PPP2R2A: variants seen among roughly 807,000 people sequenced by gnomAD.
The protein encoded by PPP2R2A is protein phosphatase 2 regulatory subunit Balpha, also known as serine/threonine-protein phosphatase 2A 55 kDa regulatory subunit B alpha isoform.
In PPP2R2A, 9 loss-of-function variants were observed where a neutral mutation model predicts 53.2. The ratio of observed to expected loss-of-function variants is 0.17; its 90% CI spans 0.10 to 0.30. The LOEUF is 0.30. Among genes scored for constraint, PPP2R2A ranks in the 10% least tolerant of loss-of-function variants. The pLI, the probability that PPP2R2A is intolerant of heterozygous loss-of-function variation, is 1.00. For missense variants in PPP2R2A, 235 were observed against 534.6 expected, an observed-to-expected ratio of 0.44 and a Z score of 5.53; for synonymous variants, 169 against 174.2, an observed-to-expected ratio of 0.97 and a Z score of 0.23.
intron 2 of PPP2R2A, among the ~76,000 whole-genome samples, chr8:26,337,245 TG>T (rs1188515682): frequency 6.6e-6 from 1 of 152,088 alleles, no homozygotes; most frequent in African/African-American, 2.4e-5. Flanking sequence ...GTTCATTTGA[TG>T]GTTAGGCTAA....
At chr8:26,349,236 ATG>A (rs1037777745) in intron 3 of PPP2R2A, among the ~76,000 whole-genome samples, 1 of 151,316 alleles carries the variant, frequency 6.6e-6, no homozygotes, top group African/African-American at 2.4e-5. Flanking sequence ...GGGTGGGTAG[ATG>A]TGTGTGTGTT....
chr8:26,322,385 A>T (rs1802881887), intron 2 of PPP2R2A, among the ~76,000 whole-genome samples: 1 of 152,226 alleles, frequency 6.6e-6, no homozygotes, highest in Admixed American at 6.5e-5. Flanking sequence ...TGGCTACTGT[A>T]CTAGACAGTG....
chr8:26,291,965 T>C, intron 1 of PPP2R2A, 139 bp downstream of exon 1: 3 of 210,280 alleles, frequency 1.4e-5, no homozygotes, highest in South Asian at 1.3e-4. Flanking sequence ...TCCAGAGGGG[T>C]GGGGTGGGGG....
chr8:26,293,810 C>G (rs1441881428), intron 2 of PPP2R2A, 70 bp downstream of exon 2: 1 of 1,400,602 alleles, frequency 7.1e-7, no homozygotes, highest in Non-Finnish European at 1.0e-6. Flanking sequence ...GGAGGATTTC[C>G]TTGAAGCCGA....
At chr8:26,316,698 C>G (rs1802572737) in intron 2 of PPP2R2A, among the ~76,000 whole-genome samples, 2 of 152,184 alleles carry the variant, frequency 1.3e-5, no homozygotes, top group Admixed American at 1.3e-4. Context: ...AACTGCAGAT[C>G]TGGTGAGGAC....
chr8:26,301,340 T>C (rs554428738), intron 2 of PPP2R2A, among the ~76,000 whole-genome samples: 1 of 148,300 alleles, frequency 6.7e-6, no homozygotes, highest in African/African-American at 2.4e-5. Flanking sequence ...TTTTTTTTGT[T>C]TTTTTTTTTT....
At chr8:26,359,448 A>G (rs1200706068) in intron 4 of PPP2R2A, among the ~76,000 whole-genome samples, 4 of 152,236 alleles carry the variant, frequency 2.6e-5, no homozygotes, top group African/African-American at 9.6e-5. Context: ...GGATATATGG[A>G]ACACTGCAAT....
intron 7 of PPP2R2A, chr8:26,363,089 C>T (rs557158082): frequency 2.8e-6 from 1 of 359,990 alleles, no homozygotes; most frequent in African/African-American, 2.1e-5. Context: ...TGCTGTTGTT[C>T]TTTGGTAACT....
intron 3 of PPP2R2A, among the ~76,000 whole-genome samples, chr8:26,353,643 A>G (rs1005876805): frequency 6.6e-6 from 1 of 152,244 alleles, no homozygotes; most frequent in African/African-American, 2.4e-5. Flanking sequence ...GAAATTCTGA[A>G]CATGATTATA....
intron 2 of PPP2R2A, among the ~76,000 whole-genome samples, chr8:26,310,668 CTTTT>C (rs79086645): frequency 2.1e-5 from 1 of 46,888 alleles, no homozygotes; most frequent in Non-Finnish European, 5.6e-5. Context: ...TTTTTTTTTC[CTTTT>C]TTTTTTTTTA....
In PPP2R2A at chr8:26,291,565, G is replaced by GCCA; in HGVS notation, c.-253_-252insACC. The GCCA allele has an allele frequency of 2.0e-6, 1 of 500,838 alleles. No homozygotes were observed. Among genetic ancestry groups the GCCA allele is most frequent in the Non-Finnish European group, 3.6e-6 (1 of 280,970 alleles). The allele number at this position is 500,838 out of a possible 1,614,324, so 31.0% of individuals were successfully genotyped here. On this transcript the variant is annotated 5_prime_UTR_variant, in exon 1 of 10. Transcript: ENST00000380737. ...GCCTGCCCCTGCCGCTGCCGCCGCC[G>GCCA]CCGTCGCTGTCGTAGTCGCCGCCGC...
Position 26,371,359 on chromosome 8 carries a change from T to TTG in PPP2R2A, c.*947_*948insGT, listed in dbSNP as rs1186227547. The TTG allele has an allele frequency of 1.3e-5, 2 of 151,604 alleles. No individual in the cohort carries two copies. Among genetic ancestry groups the TTG allele is most frequent in the East Asian group, 1.9e-4 (1 of 5,180 alleles). The allele number at this position is 151,604 out of a possible 1,614,324, so 9.4% of individuals were successfully genotyped here. ...CACAATCTATAAATGCTACTAGTTT[T>TTG]TTTTTTTTTTTTTACCATCATGAGG... On this transcript the variant is annotated 3_prime_UTR_variant, in exon 10 of 10. Transcript: ENST00000380737.
intron 2 of PPP2R2A, among the ~76,000 whole-genome samples, chr8:26,301,209 C>A (rs1263047529): frequency 6.6e-6 from 1 of 151,924 alleles, no homozygotes; most frequent in African/African-American, 2.4e-5. Context: ...ACTGCAACTC[C>A]TGTTTATAAC....
chr8:26,306,485 A>G (rs560694692), intron 2 of PPP2R2A, among the ~76,000 whole-genome samples: 66 of 151,762 alleles, frequency 4.3e-4, no homozygotes, highest in Non-Finnish European at 8.4e-4. Flanking sequence ...GAAAAAAAAA[A>G]AAAAAAAAAG....
rs532802899 is a variant in PPP2R2A at position 26,299,270 on chromosome 8, A to G, written c.82+5530A>G. 9.7e-4 allele frequency among the ~76,000 whole-genome samples: 147 copies of G among 152,324 alleles called. 2 individuals are homozygous for G. The highest frequency in any genetic ancestry group is 3.2e-3 in the African/African-American group (135 of 41,580). On this transcript the variant is annotated intron_variant, in intron 2 of 9. Transcript: ENST00000380737. ...GAGTAAGACTCTGTTTCAAAAAAAA[A>G]AAAGGAACAACTTAACCATTCAAGA...
intron 9 of PPP2R2A, among the ~76,000 whole-genome samples, chr8:26,367,110 C>G (rs1017997498): frequency 2.0e-5 from 3 of 152,096 alleles, no homozygotes; most frequent in African/African-American, 7.2e-5. Flanking sequence ...TATCACAGAG[C>G]TTAATATGAT....
Position 26,338,150 on chromosome 8 carries a change from A to G in PPP2R2A, c.83-740A>G, listed in dbSNP as rs1278582852. 6.6e-6 allele frequency among the ~76,000 whole-genome samples: 1 copy of G among 152,188 alleles called. No individual in the cohort carries two copies. Among genetic ancestry groups the G allele is most frequent in the East Asian group, 1.9e-4 (1 of 5,196 alleles). ...ATGAATTTTACCATGTTACTGCTCT[A>G]TCTTATGCCCATTTCTGTAATTTAG... On this transcript the variant is annotated intron_variant, in intron 2 of 9. Transcript: ENST00000380737. The surrounding 1 kb of genome is among the most constrained non-coding windows in gnomAD (Gnocchi z 4.5).
At chr8:26,316,430 A>C (rs539675742) in intron 2 of PPP2R2A, among the ~76,000 whole-genome samples, 1 of 152,388 alleles carries the variant, frequency 6.6e-6, no homozygotes, top group South Asian at 2.1e-4. Flanking sequence ...GGCATGAAGC[A>C]GTCAGCCAAA....
chr8:26,293,878 A>G, intron 2 of PPP2R2A, 138 bp downstream of exon 2: 1 of 757,014 alleles, frequency 1.3e-6, no homozygotes, highest in Non-Finnish European at 2.1e-6. Flanking sequence ...CAGTTTTAAA[A>G]GATACCTTTC....
Sources: allele counts gnomAD v4.1 joint callset (sites outside exome capture counted in the v4.1 genomes callset), GRCh38; gene constraint gnomAD v4.1.1; non-coding constraint Gnocchi (gnomAD v3.1); transcripts MANE v1.5; gene names NCBI Gene and HGNC (gene_info 2026-07-23, HGNC 2026-07-21).